The following MEF2D variants were observed in gnomAD, a reference collection of about 807,000 sequenced individuals.
The protein encoded by MEF2D is myocyte enhancer factor 2D, also known as myocyte-specific enhancer factor 2D.
Under a neutral mutation model 59.3 loss-of-function variants are expected in MEF2D, and 10 were observed. The ratio of observed to expected loss-of-function variants is 0.17; its 90% CI spans 0.10 to 0.29. MEF2D has a LOEUF of 0.29. Among genes scored for constraint, MEF2D ranks in the 10% least tolerant of loss-of-function variants. MEF2D has a pLI of 1.00. For missense variants in MEF2D, 508 were observed against 699.4 expected (o/e 0.73, Z 3.09); for synonymous variants, 305 against 295.0 (o/e 1.03, Z -0.35).
intron 3 of MEF2D, among the ~76,000 whole-genome samples, chr1:156,481,916 A>T (rs1243566493): frequency 6.6e-6 from 1 of 152,268 alleles, no homozygotes; most frequent in Non-Finnish European, 1.5e-5. Context: ...GTGGCCGGTA[A>T]AGGTCAGAAC....
chr1:156,482,730 G>T (rs1303973695), intron 2 of MEF2D, 90 bp from the exon 3 acceptor site: 10 of 1,162,856 alleles, frequency 8.6e-6, no homozygotes, highest in African/African-American at 7.5e-5. Context: ...CATAGCCCCT[G>T]CCCTCAGGAG....
chr1:156,497,318 T>C (rs1383208377), intron 1 of MEF2D, among the ~76,000 whole-genome samples: 1 of 152,272 alleles, frequency 6.6e-6, no homozygotes, highest in Non-Finnish European at 1.5e-5. Context: ...ATGCTGAGGT[T>C]GTGCCGGCCT....
At chr1:156,490,601 G>A (rs1672729931) in intron 1 of MEF2D, 1 of 152,386 alleles carries the variant, frequency 6.6e-6, no homozygotes. Flanking sequence ...TCAGGCCCCA[G>A]GCACCCTAAG....
chr1:156,497,376 C>T (rs1360146903), intron 1 of MEF2D, among the ~76,000 whole-genome samples: 1 of 152,224 alleles, frequency 6.6e-6, no homozygotes, highest in Non-Finnish European at 1.5e-5. Flanking sequence ...TGCCTCAAAC[C>T]AGCTGGCCTG....
chr1:156,482,187 G>GGGCAGGGTGGGTGTGGGCT (rs1672066012), intron 3 of MEF2D, among the ~76,000 whole-genome samples: 2 of 152,272 alleles, frequency 1.3e-5, no homozygotes, highest in African/African-American at 2.4e-5. Context: ...CTCTTGGAGA[G>GGGCAGGGTGGGTGTGGGCT]GGCAGGGTGG....
intron 9 of MEF2D, among the ~76,000 whole-genome samples, chr1:156,471,731 C>T (rs1042775390): frequency 2.0e-5 from 3 of 152,234 alleles, no homozygotes; most frequent in African/African-American, 7.2e-5. Context: ...TTACCCCCAG[C>T]CGGAACTTGA....
At chr1:156,476,805 C>G in intron 7 of MEF2D, 1 of 660,716 alleles carries the variant, frequency 1.5e-6, no homozygotes, top group Admixed American at 2.9e-5. Flanking sequence ...CCCCTTTTTA[C>G]TGCCTTAGGC....
rs1433293037 is a variant in MEF2D at position 156,466,906 on chromosome 1, CAG to C, written c.*737_*738del. 6.6e-6 allele frequency: 1 copy of C among 152,590 alleles called. No individual in the cohort carries two copies. The highest frequency in any genetic ancestry group is 6.5e-5 in the Admixed American group (1 of 15,270). The allele number at this position is 152,590 out of a possible 1,614,324, so 9.5% of individuals were successfully genotyped here. On this transcript the variant is annotated 3_prime_UTR_variant, in exon 12 of 12. Transcript: ENST00000348159. ...TTGTCTTTCCCTCCAAATGTGCTTCCAGAGAGGCCCCCACCTCAAACCCCTGT... is the reference window on the plus strand; with the variant it reads ...TTGTCTTTCCCTCCAAATGTGCTTCCAGAGGCCCCCACCTCAAACCCCTGT...
At chr1:156,497,922 C>T (rs1673224759) in intron 1 of MEF2D, among the ~76,000 whole-genome samples, 1 of 151,580 alleles carries the variant, frequency 6.6e-6, no homozygotes, top group South Asian at 2.1e-4. Flanking sequence ...TCTGAGGGCA[C>T]GGTAGAGGAG....
At chr1:156,476,949 T>A in intron 7 of MEF2D, 63 bp downstream of exon 7, 1 of 1,588,688 alleles carries the variant, frequency 6.3e-7, no homozygotes, top group Non-Finnish European at 8.6e-7. Flanking sequence ...AGAGGTCTGC[T>A]CTTTCCCCTG....
At chr1:156,481,451 T>C (rs1462924789) in intron 3 of MEF2D, among the ~76,000 whole-genome samples, 1 of 151,122 alleles carries the variant, frequency 6.6e-6, no homozygotes, top group African/African-American at 2.4e-5. Context: ...AAGAGAGAAA[T>C]AGAGATGGAG....
rs376066616 is a variant in MEF2D, at chr1:156,478,358, TG to T, written c.664+931del. On this transcript the variant is annotated intron_variant, in intron 6 of 11. Coordinates refer to ENST00000348159, the MANE Select transcript of MEF2D (RefSeq NM_005920.4). ...GTCCCCTAAGAGCATGCTGTTGCCC[TG>T]GAAGTGTGTGCCTGCCTCCATCCCA... Among the ~76,000 whole-genome samples, 914 of 152,196 alleles carry T rather than the reference TG, an allele frequency of 6.0e-3. 2 individuals are homozygous for T. Among genetic ancestry groups the T allele is most frequent in the Non-Finnish European group, 0.01 (696 of 67,988 alleles).
At chr1:156,488,883 A>G (rs1419624946) in intron 1 of MEF2D, among the ~76,000 whole-genome samples, 1 of 152,178 alleles carries the variant, frequency 6.6e-6, no homozygotes, top group African/African-American at 2.4e-5. Flanking sequence ...TCCGATAGCC[A>G]GCCTCTATCC....
In MEF2D at chr1:156,468,041, C is replaced by T; in HGVS notation, c.1506G>A (p.Glu502=). ...TCACAGCTGAGCCCTCAGCCTCAGG[C>T]TCTGGGGCTGGGCGCAGCAGGCCCA... The part of the protein sequence containing the change: ...PTLGLLRPAP[E]PEAEGSAVKR... Residue 502 remains glutamate, a synonymous_variant, in exon 11 of 12, where the codon GAG becomes GAA. Transcript: ENST00000348159. This position sits in a 1 kb window ranked among gnomAD's most constrained non-coding sequence, Gnocchi z 4.3. 2 of 1,613,956 alleles carry T rather than the reference C, an allele frequency of 1.2e-6. No homozygotes were observed. The highest frequency in any genetic ancestry group is 1.7e-6 in the Non-Finnish European group (2 of 1,179,964).
Position 156,464,964 on chromosome 1 carries a change from A to G in MEF2D, c.*2681T>C, listed in dbSNP as rs1409362272. On this transcript the variant is annotated 3_prime_UTR_variant, in exon 12 of 12. Coordinates refer to ENST00000348159, the MANE Select transcript of MEF2D (RefSeq NM_005920.4). ...TTCATTCATTTATTGAGCACCTATC[A>G]TTCAACTATTCACCCATTCAGCATT... 1 of 152,266 alleles carries G rather than the reference A, an allele frequency of 6.6e-6. No homozygotes were observed. The highest frequency in any genetic ancestry group is 1.5e-5 in the Non-Finnish European group (1 of 68,064). The allele number at this position is 152,266 out of a possible 1,614,324, so 9.4% of individuals were successfully genotyped here. A position where few individuals can be genotyped will look rare whatever the true frequency, so the allele number is the denominator to read the frequency against.
chr1:156,474,365 C>T (rs1671431241), intron 9 of MEF2D, among the ~76,000 whole-genome samples: 1 of 152,138 alleles, frequency 6.6e-6, no homozygotes, highest in South Asian at 2.1e-4. Flanking sequence ...ATGAGAATCA[C>T]CTGAACCCAG....
intron 4 of MEF2D, 71 bp from the exon 5 acceptor site, chr1:156,479,867 G>C (rs925138937): frequency 9.2e-6 from 13 of 1,412,734 alleles, no homozygotes; most frequent in Non-Finnish European, 1.3e-5. Context: ...TTTCCTGGGA[G>C]GGCAGGCAAG....
intron 1 of MEF2D, among the ~76,000 whole-genome samples, chr1:156,497,158 C>A (rs72994651): frequency 0.013 from 1,978 of 152,322 alleles, 40 homozygotes; most frequent in African/African-American, 0.045. Context: ...GACCACAATA[C>A]AGTCAGACGT....
Position 156,464,098 on chromosome 1 carries a change from T to G in MEF2D, c.*3547A>C, listed in dbSNP as rs1225216487. ...CTCCATTCCAGCCTCCCTCCCCCCATACAAATACCATTCCTTCTACCAACT... is the reference window on the plus strand; with the variant it reads ...CTCCATTCCAGCCTCCCTCCCCCCAGACAAATACCATTCCTTCTACCAACT... On this transcript the variant is annotated 3_prime_UTR_variant, in exon 12 of 12. Coordinates refer to ENST00000348159, the MANE Select transcript of MEF2D (RefSeq NM_005920.4). 2 of 152,302 alleles carry G rather than the reference T, an allele frequency of 1.3e-5. No individual in the cohort carries two copies. The highest frequency in any genetic ancestry group is 2.9e-5 in the Non-Finnish European group (2 of 67,994). 9.4% of individuals were successfully genotyped at this position (152,302 alleles called of 1,614,324 possible).
Sources: gnomAD v4.1 joint callset for allele counts (sites outside exome capture counted in the v4.1 genomes callset) on GRCh38, gnomAD v4.1.1 for gene constraint, Gnocchi (gnomAD v3.1) non-coding constraint, MANE v1.5 for transcripts, NCBI Gene and HGNC (gene_info 2026-07-23, HGNC 2026-07-21) for gene names.